The following LRRC37A2 variants were observed in gnomAD, a reference collection of about 807,000 sequenced individuals.
The protein encoded by LRRC37A2 is leucine-rich repeat-containing protein 37A2.
Under a neutral mutation model 68.8 loss-of-function variants are expected in LRRC37A2, and 9 were observed. The ratio of observed to expected loss-of-function variants is 0.13; its 90% CI spans 0.08 to 0.23. The LOEUF (loss-of-function observed/expected upper bound fraction) is 0.23. Among genes scored for constraint, LRRC37A2 ranks in the 10% least tolerant of loss-of-function variants. LRRC37A2 has a pLI of 1.00. For missense variants in LRRC37A2, 168 were observed against 950.4 expected (o/e 0.18, Z 10.82); for synonymous variants, 63 against 367.6 (o/e 0.17, Z 9.48).
the LRRC37A2 span, among the ~76,000 whole-genome samples, chr17:46,794,407 T>C: frequency 6.6e-6 from 1 of 152,138 alleles, no homozygotes; most frequent in Non-Finnish European, 1.5e-5. Context: ...CGACAGGACC[T>C]GTCAGAGCTA....
At chr17:47,045,083 G>A in the LRRC37A2 span, among the ~76,000 whole-genome samples, 2 of 132,634 alleles carry the variant, frequency 1.5e-5, no homozygotes, top group African/African-American at 2.7e-5. Flanking sequence ...TTACGGTTCC[G>A]GGTCCATTCC....
chr17:46,900,202 T>TACATACATATATATACACACACACACAC, the LRRC37A2 span, among the ~76,000 whole-genome samples: 81 of 101,148 alleles, frequency 8.0e-4, 1 homozygote, highest in Middle Eastern at 5.8e-3. Flanking sequence ...TATATATATA[T>TACATACATATATATACACACACACACAC]ACACACACAC....
the LRRC37A2 span, among the ~76,000 whole-genome samples, chr17:46,837,474 T>C: frequency 6.6e-6 from 1 of 152,144 alleles, no homozygotes; most frequent in Non-Finnish European, 1.5e-5. Flanking sequence ...CTGTATGACA[T>C]TTGTTTCCCC....
chr17:46,796,969 G>A, the LRRC37A2 span, among the ~76,000 whole-genome samples: 1 of 152,168 alleles, frequency 6.6e-6, no homozygotes, highest in Admixed American at 6.5e-5. Context: ...CAAACTGACT[G>A]AAATAGGCAG....
chr17:46,966,662 G>T, the LRRC37A2 span: 1 of 570,518 alleles, frequency 1.8e-6, no homozygotes, highest in South Asian at 2.3e-5. Flanking sequence ...AATACCTTTT[G>T]AACTCAGGCT....
At chr17:46,851,847 C>A in the LRRC37A2 span, 3 of 420,344 alleles carry the variant, frequency 7.1e-6, no homozygotes, top group South Asian at 2.1e-4. The surrounding 1 kb of genome is among the most constrained non-coding windows in gnomAD (Gnocchi z 4.3). Flanking sequence ...CCTAGCCCGG[C>A]GCGACCCAAC....
chr17:46,943,845 A>G, the LRRC37A2 span, among the ~76,000 whole-genome samples: 3 of 152,252 alleles, frequency 2.0e-5, no homozygotes, highest in Non-Finnish European at 2.9e-5. Flanking sequence ...GGGAGAGAGA[A>G]GTAGAGTGAC....
At chr17:47,012,015 G>A in the LRRC37A2 span, among the ~76,000 whole-genome samples, 5 of 152,086 alleles carry the variant, frequency 3.3e-5, no homozygotes, top group East Asian at 5.8e-4. Flanking sequence ...CTATAAGATC[G>A]TGGACATATC....
At chr17:46,876,307 G>T in the LRRC37A2 span, 1 of 1,614,200 alleles carries the variant, frequency 6.2e-7, no homozygotes, top group African/African-American at 1.3e-5. Flanking sequence ...CCTGTGCCGT[G>T]CGCACCTGCT....
chr17:46,761,395 G>A, the LRRC37A2 span, among the ~76,000 whole-genome samples: 13 of 150,508 alleles, frequency 8.6e-5, no homozygotes, highest in South Asian at 1.7e-3. Flanking sequence ...ACAGTGGTGC[G>A]ATCTCAGCTC....
At chr17:46,804,485 A>G in the LRRC37A2 span, among the ~76,000 whole-genome samples, 4 of 152,132 alleles carry the variant, frequency 2.6e-5, no homozygotes, top group African/African-American at 9.6e-5. Context: ...GGGGAAGGGA[A>G]GTGCTGTAAG....
chr17:46,840,969 T>C, the LRRC37A2 span, among the ~76,000 whole-genome samples: 2 of 152,152 alleles, frequency 1.3e-5, no homozygotes, highest in African/African-American at 2.4e-5. Context: ...AAGCAGCCGG[T>C]TCTGTTTCCA....
chr17:46,533,391 A>C, intron 6 of LRRC37A2, among the ~76,000 whole-genome samples: 1 of 102,554 alleles, frequency 9.8e-6, no homozygotes. Context: ...CTAAAGCTCC[A>C]CTCTCACCCC....
the LRRC37A2 span, among the ~76,000 whole-genome samples, chr17:46,968,033 C>T: frequency 6.6e-6 from 1 of 152,072 alleles, no homozygotes; most frequent in African/African-American, 2.4e-5. Flanking sequence ...AGAATCAGGA[C>T]CCTGGGAAGA....
At chr17:46,876,781 C>T in the LRRC37A2 span, 2 of 1,475,464 alleles carry the variant, frequency 1.4e-6, no homozygotes, top group Non-Finnish European at 1.8e-6. Flanking sequence ...TTCAAGCTGC[C>T]CAGCCGGCCC....
At chr17:47,031,264 A>G in the LRRC37A2 span, among the ~76,000 whole-genome samples, 2 of 148,546 alleles carry the variant, frequency 1.3e-5, no homozygotes, top group Non-Finnish European at 3.0e-5. Context: ...TCAAACAACC[A>G]TATCGAGGTT....
the LRRC37A2 span, among the ~76,000 whole-genome samples, chr17:46,982,921 C>T: frequency 6.6e-6 from 1 of 152,220 alleles, no homozygotes; most frequent in African/African-American, 2.4e-5. Flanking sequence ...GCTTCAGGTA[C>T]GTCCTGTTGG....
chr17:46,499,130 C>T, the LRRC37A2 span, among the ~76,000 whole-genome samples: 3 of 145,160 alleles, frequency 2.1e-5, no homozygotes, highest in African/African-American at 8.3e-5. Flanking sequence ...GCCTGGCCAA[C>T]ATGGTGAGAC....
At chr17:46,917,121 G>C in the LRRC37A2 span, 1 of 151,904 alleles carries the variant, frequency 6.6e-6, no homozygotes, top group Admixed American at 6.6e-5. Context: ...CTTCTCACTT[G>C]CAAAATGTAT....
Sources: allele counts gnomAD v4.1 joint callset (sites outside exome capture counted in the v4.1 genomes callset), GRCh38; gene constraint gnomAD v4.1.1; non-coding constraint Gnocchi (gnomAD v3.1); transcripts MANE v1.5; gene names NCBI Gene and HGNC (gene_info 2026-07-23, HGNC 2026-07-21).